The following ROR1 variants were observed in gnomAD, a reference collection of about 807,000 sequenced individuals.
ROR1 encodes inactive tyrosine-protein kinase transmembrane receptor ROR1.
In ROR1, 19 loss-of-function variants were observed where a neutral mutation model predicts 78.8. That is an observed-to-expected ratio of 0.24 (90% CI 0.17 to 0.35). The LOEUF (loss-of-function observed/expected upper bound fraction) is 0.35. Among genes scored for constraint, ROR1 ranks in the 10% least tolerant of loss-of-function variants. ROR1 has a pLI of 1.00. For missense variants in ROR1, 917 were observed against 1,177.8 expected, an observed-to-expected ratio of 0.78 and a Z score of 3.24; for synonymous variants, 386 against 433.6, an observed-to-expected ratio of 0.89 and a Z score of 1.36.
chr1:63,957,598 A>C (rs1423350801), intron 1 of ROR1, among the ~76,000 whole-genome samples: 1 of 152,154 alleles, frequency 6.6e-6, no homozygotes, highest in Non-Finnish European at 1.5e-5. Context: ...CATGGGTTGC[A>C]TATCTTCAAA....
At chr1:64,030,000 A>G (rs1187677036) in intron 2 of ROR1, among the ~76,000 whole-genome samples, 1 of 152,110 alleles carries the variant, frequency 6.6e-6, no homozygotes, top group Non-Finnish European at 1.5e-5. Flanking sequence ...AGTCAAATTT[A>G]GTTGCCCTTT....
intron 4 of ROR1, among the ~76,000 whole-genome samples, chr1:64,096,711 G>T (rs1031618456): frequency 3.6e-4 from 54 of 152,096 alleles, no homozygotes; most frequent in African/African-American, 1.3e-3. Flanking sequence ...ACATACTCAT[G>T]CACATGTCTT....
chr1:63,967,632 T>A (rs557560836), intron 1 of ROR1, among the ~76,000 whole-genome samples: 1 of 152,234 alleles, frequency 6.6e-6, no homozygotes. Context: ...ATTTAGAAGA[T>A]GTTCCGTTGG....
At chr1:63,946,511 T>C (rs1001504108) in intron 1 of ROR1, among the ~76,000 whole-genome samples, 8 of 152,244 alleles carry the variant, frequency 5.3e-5, no homozygotes, top group Non-Finnish European at 1.2e-4. Context: ...CAGTGTGGAA[T>C]GGCTAAATCA....
intron 7 of ROR1, chr1:64,143,397 C>G (rs1213827837): frequency 1.0e-6 from 1 of 974,282 alleles, no homozygotes; most frequent in Non-Finnish European, 1.2e-6. Context: ...GTTGGTGAAA[C>G]CTGGAGTTAG....
chr1:63,982,654 GC>G (rs1211505560), intron 1 of ROR1, among the ~76,000 whole-genome samples: 6 of 152,128 alleles, frequency 3.9e-5, no homozygotes, highest in Non-Finnish European at 8.8e-5. Flanking sequence ...ATAATTAAAT[GC>G]CCTTACAGAC....
rs778126219 is a variant in ROR1, at chr1:63,845,172, TTA to T, written c.91+70667_91+70668del. Among the ~76,000 whole-genome samples, 63 of 152,182 alleles carry T rather than the reference TTA, an allele frequency of 4.1e-4. 1 individual carries two copies. Among genetic ancestry groups the T allele is most frequent in the Admixed American group, 1.6e-3 (24 of 15,272 alleles). Reference sequence around the variant, plus strand: ...AATTAAGAAGGGCTTCTACATATATTTATAGACTGGCTGAGTTTCTCCATATA... The same window carrying T: ...AATTAAGAAGGGCTTCTACATATATTTAGACTGGCTGAGTTTCTCCATATA... On this transcript the variant is annotated intron_variant, in intron 1 of 8. Coordinates refer to ENST00000371079, the MANE Select transcript of ROR1 (RefSeq NM_005012.4).
rs1403053515 is a variant in ROR1, at chr1:63,774,592, G to T, written c.91+84G>T. On this transcript the variant is annotated intron_variant, in intron 1 of 8. Transcript: ENST00000371079. The surrounding 1 kb of genome is among the most constrained non-coding windows in gnomAD (Gnocchi z 5.7). ...CGCCGTCCAGCCGGGCGCGGGACAC[G>T]CAGGAAGCGCCGCGCTGGCTCCGGG... 6.1e-5 allele frequency: 43 copies of T among 701,002 alleles called. No homozygotes were observed. Among genetic ancestry groups the T allele is most frequent in the Non-Finnish European group, 8.7e-6 (5 of 572,048 alleles). The allele number at this position is 701,002 out of a possible 1,614,324, so 43.4% of individuals were successfully genotyped here.
intron 1 of ROR1, among the ~76,000 whole-genome samples, chr1:63,865,201 G>T (rs1489082192): frequency 6.6e-6 from 1 of 151,982 alleles, no homozygotes; most frequent in Non-Finnish European, 1.5e-5. Context: ...TTACCTGTTT[G>T]GTCCTAGTCT....
rs1227296665 is a variant in ROR1 at position 63,774,958 on chromosome 1, T to C, written c.91+450T>C. On this transcript the variant is annotated intron_variant, in intron 1 of 8. Transcript: ENST00000371079. This position sits in a 1 kb window ranked among gnomAD's most constrained non-coding sequence, Gnocchi z 5.7. ...AGGAGGGAGTTTGGATTTTCAGTGGTGCTCGCCAGAGCCCAGGCGGCTCGC... is the reference window on the plus strand; with the variant it reads ...AGGAGGGAGTTTGGATTTTCAGTGGCGCTCGCCAGAGCCCAGGCGGCTCGC... Among the ~76,000 whole-genome samples, 1 of 152,040 alleles carries C rather than the reference T, an allele frequency of 6.6e-6. No individual in the cohort carries two copies. Among genetic ancestry groups the C allele is most frequent in the African/African-American group, 2.4e-5 (1 of 41,412 alleles).
intron 1 of ROR1, among the ~76,000 whole-genome samples, chr1:63,799,930 T>G (rs1644785425): frequency 6.6e-6 from 1 of 152,212 alleles, no homozygotes; most frequent in Non-Finnish European, 1.5e-5. Context: ...TCTGTATGGA[T>G]CATTTAGAAA....
At chr1:63,948,670 G>T (rs1284252266) in intron 1 of ROR1, among the ~76,000 whole-genome samples, 1 of 152,188 alleles carries the variant, frequency 6.6e-6, no homozygotes, top group Non-Finnish European at 1.5e-5. Flanking sequence ...CAATATGATG[G>T]TATTAGGAGA....
rs767776422 is a variant in ROR1 at position 64,142,551 on chromosome 1, C to T, written c.1075C>T (p.His359Tyr). The T allele has an allele frequency of 3.7e-6, 6 of 1,614,026 alleles. No individual in the cohort carries two copies. The African/African-American group carries it at 6.7e-5, about 18-fold the overall frequency. Residue 359 changes from histidine to tyrosine, a missense_variant, in exon 7 of 9, where the codon CAT becomes TAT. His to Tyr is a moderately conservative substitution (Grantham distance 83, BLOSUM62 2). Coordinates refer to ENST00000371079, the MANE Select transcript of ROR1 (RefSeq NM_005012.4). Reference sequence around the variant, plus strand: ...TCGTTTCCCAGAGCTGAATGGAGGCCATTCCTACTGCCGCAACCCAGGGAA... The same window carrying T: ...TCGTTTCCCAGAGCTGAATGGAGGCTATTCCTACTGCCGCAACCCAGGGAA... ...ALRFPELNGG[H>Y]SYCRNPGNQK... is the part of the protein sequence containing the mutation.
At chr1:63,952,532 GC>G (rs1034317538) in intron 1 of ROR1, among the ~76,000 whole-genome samples, 1 of 152,050 alleles carries the variant, frequency 6.6e-6, no homozygotes, top group Non-Finnish European at 1.5e-5. Context: ...CCACTGCAGG[GC>G]CCCAGGCATG....
At chr1:63,780,229 AT>A (rs1005587491) in intron 1 of ROR1, among the ~76,000 whole-genome samples, 5 of 151,190 alleles carry the variant, frequency 3.3e-5, no homozygotes, top group African/African-American at 1.2e-4. Context: ...TCCAAACTTT[AT>A]TTTTTTCAAG....
chr1:64,134,032 G>A (rs936315807), intron 4 of ROR1, among the ~76,000 whole-genome samples: 2 of 152,126 alleles, frequency 1.3e-5, no homozygotes, highest in East Asian at 3.8e-4. Context: ...GCCCCTCTAA[G>A]CAGTGCAAAA....
At chr1:64,118,467 A>C (rs1648397907) in intron 4 of ROR1, among the ~76,000 whole-genome samples, 2 of 151,686 alleles carry the variant, frequency 1.3e-5, no homozygotes, top group Admixed American at 6.6e-5. Context: ...TCTCTACTAA[A>C]AATACAAAAA....
At chr1:63,779,350 C>T (rs2100218121) in intron 1 of ROR1, among the ~76,000 whole-genome samples, 1 of 152,276 alleles carries the variant, frequency 6.6e-6, no homozygotes, top group Admixed American at 6.5e-5. Flanking sequence ...CAGTGAGGAC[C>T]AGACCCTGGC....
At chr1:64,130,880 C>T (rs1452105090) in intron 4 of ROR1, among the ~76,000 whole-genome samples, 2 of 152,180 alleles carry the variant, frequency 1.3e-5, no homozygotes, top group African/African-American at 4.8e-5. Flanking sequence ...GAGAAGAACG[C>T]TGCCTCTGAA....
Sources: gnomAD v4.1 joint callset for allele counts (sites outside exome capture counted in the v4.1 genomes callset) on GRCh38, gnomAD v4.1.1 for gene constraint, Gnocchi (gnomAD v3.1) non-coding constraint, MANE v1.5 for transcripts, NCBI Gene and HGNC (gene_info 2026-07-23, HGNC 2026-07-21) for gene names.